AGFG1: variants seen among roughly 807,000 people sequenced by gnomAD.
AGFG1 encodes the protein arf-GAP domain and FG repeat-containing protein 1.
Under a neutral mutation model 60.6 loss-of-function variants are expected in AGFG1, and 10 were observed. The observed-to-expected ratio is 0.16, with a 90% confidence interval of 0.10 to 0.28. The LOEUF (loss-of-function observed/expected upper bound fraction) is 0.28, where lower values mean the gene tolerates loss of function less well. Ranked by LOEUF, AGFG1 falls within the 10% of genes least tolerant of loss-of-function variation. The pLI, the probability that AGFG1 is intolerant of heterozygous loss-of-function variation, is 1.00. For missense variants in AGFG1, 537 were observed against 676.5 expected (o/e 0.79, Z 2.29); for synonymous variants, 247 against 242.9 (o/e 1.02, Z -0.16).
chr2:227,542,301 C>T (rs951118175), intron 10 of AGFG1, among the ~76,000 whole-genome samples: 1 of 152,152 alleles, frequency 6.6e-6, no homozygotes, highest in Non-Finnish European at 1.5e-5. Context: ...GTGGGTTCGT[C>T]ATAAATAGCT....
chr2:227,553,610 G>A, intron 11 of AGFG1, 94 bp from the exon 12 acceptor site: 2 of 1,016,848 alleles, frequency 2.0e-6, no homozygotes, highest in Non-Finnish European at 3.0e-6. Context: ...TGCTGCTCTG[G>A]TAGGAATGTC....
chr2:227,527,879 A>G (rs1376978589), intron 5 of AGFG1, among the ~76,000 whole-genome samples: 1 of 152,208 alleles, frequency 6.6e-6, no homozygotes, highest in Non-Finnish European at 1.5e-5. Context: ...TAAAAGATGT[A>G]TTTCACAATT....
chr2:227,498,213 T>C (rs1392195890), intron 2 of AGFG1, among the ~76,000 whole-genome samples: 2 of 152,218 alleles, frequency 1.3e-5, no homozygotes, highest in African/African-American at 4.8e-5. Context: ...AAAGATACTT[T>C]TCCAGTTGAT....
chr2:227,500,717 C>T (rs1351673310), intron 2 of AGFG1, among the ~76,000 whole-genome samples: 1 of 152,112 alleles, frequency 6.6e-6, no homozygotes, highest in Admixed American at 6.5e-5. Context: ...AAAGTAAGCT[C>T]AAAACATTAG....
intron 3 of AGFG1, 99 bp downstream of exon 3, chr2:227,520,162 T>A (rs994390732): frequency 1.4e-6 from 1 of 715,694 alleles, no homozygotes; most frequent in Non-Finnish European, 2.3e-6. Context: ...AGACAGACAG[T>A]GAGAACTAGA....
intron 11 of AGFG1, among the ~76,000 whole-genome samples, chr2:227,552,574 A>G (rs1692851010): frequency 6.6e-6 from 1 of 152,136 alleles, no homozygotes; most frequent in South Asian, 2.1e-4. Flanking sequence ...AGAAAGAGAC[A>G]AGAAGATTAA....
intron 1 of AGFG1, among the ~76,000 whole-genome samples, chr2:227,486,089 TTCCCA>T (rs1269007767): frequency 6.6e-6 from 1 of 152,184 alleles, no homozygotes; most frequent in Non-Finnish European, 1.5e-5. Context: ...GGTATTTTAT[TTCCCA>T]TCCAGGGTCT....
At chr2:227,532,833 A>G (rs915745815) in intron 6 of AGFG1, among the ~76,000 whole-genome samples, 3 of 152,142 alleles carry the variant, frequency 2.0e-5, no homozygotes, top group African/African-American at 7.2e-5. Context: ...TATAATAGAG[A>G]ACAGATTTTA....
intron 10 of AGFG1, among the ~76,000 whole-genome samples, chr2:227,539,989 C>T (rs577912900): frequency 3.3e-5 from 5 of 152,038 alleles, no homozygotes; most frequent in Admixed American, 2.6e-4. Flanking sequence ...GTGCGTGCCA[C>T]CATACCCGGC....
At chr2:227,527,170 G>A (rs185009999) in intron 5 of AGFG1, among the ~76,000 whole-genome samples, 1 of 152,264 alleles carries the variant, frequency 6.6e-6, no homozygotes, top group Non-Finnish European at 1.5e-5. Flanking sequence ...TCAGATGCTG[G>A]CTTTCTTGCT....
chr2:227,497,576 A>G, intron 2 of AGFG1, among the ~76,000 whole-genome samples: 1 of 151,650 alleles, frequency 6.6e-6, no homozygotes, highest in Non-Finnish European at 1.5e-5. Context: ...ACAAAAAAAA[A>G]TTTTTTTTGT....
At chr2:227,537,134 A>G in intron 10 of AGFG1, 141 bp downstream of exon 10, 1 of 640,808 alleles carries the variant, frequency 1.6e-6, no homozygotes, top group South Asian at 2.6e-5. Context: ...CCATAAAGAC[A>G]AATTCTAGCT....
intron 5 of AGFG1, among the ~76,000 whole-genome samples, chr2:227,530,568 T>C (rs1044909909): frequency 3.3e-5 from 5 of 152,184 alleles, no homozygotes; most frequent in African/African-American, 1.2e-4. Context: ...TTGGTGATCT[T>C]GTCCTTTTTT....
intron 1 of AGFG1, 42 bp downstream of exon 1, chr2:227,472,630 G>A (rs1347706394): frequency 1.6e-5 from 24 of 1,540,008 alleles, no homozygotes; most frequent in Non-Finnish European, 2.1e-5. Flanking sequence ...CCCTTCCCGG[G>A]AGGTGGGGGA....
chr2:227,473,071 G>A (rs1455506532), intron 1 of AGFG1, among the ~76,000 whole-genome samples: 2 of 131,932 alleles, frequency 1.5e-5, no homozygotes, highest in Admixed American at 1.7e-4. Flanking sequence ...CCTGCTGGGC[G>A]CTCCTGCTGG....
chr2:227,512,619 G>A (rs1691527844), intron 2 of AGFG1, among the ~76,000 whole-genome samples: 1 of 152,052 alleles, frequency 6.6e-6, no homozygotes, highest in Non-Finnish European at 1.5e-5. Context: ...ATAGAATTTT[G>A]TATAGGTCCA....
At chr2:227,516,210 G>C (rs1319589780) in intron 2 of AGFG1, among the ~76,000 whole-genome samples, 1 of 152,200 alleles carries the variant, frequency 6.6e-6, no homozygotes, top group African/African-American at 2.4e-5. Context: ...TGGAGGACTT[G>C]ATAAAACAGA....
intron 2 of AGFG1, among the ~76,000 whole-genome samples, chr2:227,500,953 C>T (rs7562514): frequency 0.052 from 7,857 of 151,994 alleles, 268 homozygotes; most frequent in African/African-American, 0.082. Context: ...CCACCACGCC[C>T]AGCTAATTTT....
At chr2:227,502,446 G>A (rs546979700) in intron 2 of AGFG1, among the ~76,000 whole-genome samples, 1 of 152,044 alleles carries the variant, frequency 6.6e-6, no homozygotes, top group African/African-American at 2.4e-5. Context: ...CCAGCCTCCC[G>A]AGTAGCTAGG....
Sources: allele counts gnomAD v4.1 joint callset (sites outside exome capture counted in the v4.1 genomes callset), GRCh38; gene constraint gnomAD v4.1.1; transcripts MANE v1.5; gene names NCBI Gene and HGNC (gene_info 2026-07-23, HGNC 2026-07-21).